The following RAB31 variants were observed in gnomAD, a reference collection of about 807,000 sequenced individuals.
The protein encoded by RAB31 is RAB31, member RAS oncogene family.
Under a neutral mutation model 25.6 loss-of-function variants are expected in RAB31, and 21 were observed. That is an observed-to-expected ratio of 0.82 (90% confidence interval 0.58 to 1.18). The LOEUF is 1.18. RAB31 is among the 50% of genes most tolerant of loss of function. The probability of loss-of-function intolerance (pLI) is 0.00; values close to 1 mark genes in which losing one functional copy is unlikely to be tolerated. For missense variants in RAB31, 196 were observed against 250.1 expected, an observed-to-expected ratio of 0.78 and a Z score of 1.46; for synonymous variants, 87 against 84.0, an observed-to-expected ratio of 1.04 and a Z score of -0.20.
intron 1 of RAB31, among the ~76,000 whole-genome samples, chr18:9,755,474 G>T (rs1268652650): frequency 6.6e-6 from 1 of 152,162 alleles, no homozygotes; most frequent in African/African-American, 2.4e-5. Flanking sequence ...GGCATTTTTG[G>T]TAAGCTAAGG....
chr18:9,835,371 G>A (rs560577031), intron 5 of RAB31, among the ~76,000 whole-genome samples: 94 of 151,600 alleles, frequency 6.2e-4, no homozygotes, highest in Non-Finnish European at 1.1e-3. Context: ...TCAGGACTAG[G>A]CTGAATTTCT....
intron 3 of RAB31, 110 bp from the exon 4 acceptor site, chr18:9,813,910 G>T (rs1443226498): frequency 2.2e-5 from 13 of 586,152 alleles, no homozygotes; most frequent in Non-Finnish European, 3.3e-5. Context: ...ATATAGGGAA[G>T]GAATTTAGGG....
chr18:9,811,891 T>A (rs1040860383), intron 3 of RAB31, among the ~76,000 whole-genome samples: 1 of 152,258 alleles, frequency 6.6e-6, no homozygotes, highest in Non-Finnish European at 1.5e-5. Context: ...AGAATATCAT[T>A]ACATACATAT....
At chr18:9,848,394 GTCTA>G (rs1477799184) in intron 6 of RAB31, among the ~76,000 whole-genome samples, 1 of 151,986 alleles carries the variant, frequency 6.6e-6, no homozygotes, top group African/African-American at 2.4e-5. Context: ...CTAGTCATCT[GTCTA>G]TCTAGCCATC....
intron 1 of RAB31, among the ~76,000 whole-genome samples, chr18:9,765,024 C>G (rs549135335): frequency 6.6e-6 from 1 of 152,072 alleles, no homozygotes; most frequent in African/African-American, 2.4e-5. Flanking sequence ...CCGATCTTGG[C>G]TCACGGCAAC....
chr18:9,720,120 T>C (rs1229567098), intron 1 of RAB31, among the ~76,000 whole-genome samples: 2 of 152,146 alleles, frequency 1.3e-5, no homozygotes, highest in Non-Finnish European at 2.9e-5. Flanking sequence ...TGCACCACCA[T>C]GCCCGGCTAA....
At chr18:9,775,187 G>A (rs528959995) in intron 1 of RAB31, 91 bp from the exon 2 acceptor site, 45 of 1,586,346 alleles carry the variant, frequency 2.8e-5, no homozygotes, top group Non-Finnish European at 3.3e-5. Context: ...ATAGCCAGTC[G>A]TGTCCTCTGG....
intron 1 of RAB31, among the ~76,000 whole-genome samples, chr18:9,711,133 G>C (rs936198971): frequency 6.6e-6 from 1 of 152,026 alleles, no homozygotes; most frequent in South Asian, 2.1e-4. Flanking sequence ...AACATTGAGG[G>C]AGATCAAAAC....
chr18:9,804,143 C>T (rs1407702065), intron 3 of RAB31, among the ~76,000 whole-genome samples: 9 of 152,352 alleles, frequency 5.9e-5, no homozygotes, highest in East Asian at 1.9e-4. Flanking sequence ...TGCTTACACA[C>T]GGGCTTCTGC....
intron 1 of RAB31, among the ~76,000 whole-genome samples, chr18:9,755,449 G>A (rs2068256023): frequency 6.6e-6 from 1 of 152,206 alleles, no homozygotes; most frequent in African/African-American, 2.4e-5. Context: ...AGTTTTCTGT[G>A]CTGGAGGAGT....
chr18:9,833,372 G>A (rs1458476513), intron 5 of RAB31, among the ~76,000 whole-genome samples: 1 of 152,162 alleles, frequency 6.6e-6, no homozygotes, highest in African/African-American at 2.4e-5. Context: ...GGACGACAGG[G>A]CCCCCAGAAG....
At chr18:9,713,249 A>G (rs529194211) in intron 1 of RAB31, among the ~76,000 whole-genome samples, 57 of 152,286 alleles carry the variant, frequency 3.7e-4, no homozygotes, top group African/African-American at 1.3e-3. Flanking sequence ...TTGCTTTCCA[A>G]GTCTGAGATT....
chr18:9,716,030 G>A (rs1299184151), intron 1 of RAB31, among the ~76,000 whole-genome samples: 2 of 152,314 alleles, frequency 1.3e-5, no homozygotes, highest in East Asian at 3.9e-4. Flanking sequence ...TATGGTCCAT[G>A]TTCAGATGTT....
chr18:9,855,629 TG>T (rs750167454), intron 6 of RAB31, among the ~76,000 whole-genome samples: 1 of 152,220 alleles, frequency 6.6e-6, no homozygotes, highest in East Asian at 1.9e-4. Context: ...TTTGCTTTCT[TG>T]TTTTGCGTTC....
At chr18:9,805,750 C>T (rs538097876) in intron 3 of RAB31, among the ~76,000 whole-genome samples, 2 of 152,296 alleles carry the variant, frequency 1.3e-5, no homozygotes, top group African/African-American at 4.8e-5. Context: ...TGAATGAATA[C>T]ATTTGATGTA....
At chr18:9,723,400 C>A (rs1053379633) in intron 1 of RAB31, among the ~76,000 whole-genome samples, 41 of 152,136 alleles carry the variant, frequency 2.7e-4, no homozygotes, top group African/African-American at 8.9e-4. Flanking sequence ...ATTTCAAGAT[C>A]TTCCAAAACA....
intron 3 of RAB31, among the ~76,000 whole-genome samples, chr18:9,810,809 TTGACTGCTAC>T (rs1459174939): frequency 6.6e-6 from 1 of 152,198 alleles, no homozygotes; most frequent in Non-Finnish European, 1.5e-5. Context: ...AAAGTTTGTA[TTGACTGCTAC>T]TTTGTGCGTT....
chr18:9,805,607 A>G (rs1417187787), intron 3 of RAB31, among the ~76,000 whole-genome samples: 1 of 152,150 alleles, frequency 6.6e-6, no homozygotes, highest in South Asian at 2.1e-4. Context: ...TAACATAGTC[A>G]CAGGTGATGG....
intron 5 of RAB31, among the ~76,000 whole-genome samples, chr18:9,816,639 T>C (rs1041290095): frequency 6.6e-6 from 1 of 152,240 alleles, no homozygotes; most frequent in African/African-American, 2.4e-5. Flanking sequence ...TATTGGGTTA[T>C]TGAACTTCTT....
Sources: gnomAD v4.1 joint callset for allele counts (sites outside exome capture counted in the v4.1 genomes callset) on GRCh38, gnomAD v4.1.1 for gene constraint, MANE v1.5 for transcripts, NCBI Gene and HGNC (gene_info 2026-07-23, HGNC 2026-07-21) for gene names.